EYS: variants seen among roughly 807,000 people sequenced by gnomAD.
EYS encodes the protein EGF-like photoreceptor maintenance factor, also known as protein eyes shut homolog.
EYS carries 250 observed loss-of-function variants against 282.1 expected under a neutral mutation model. The observed-to-expected ratio is 0.89, with a 90% confidence interval of 0.80 to 0.98. EYS has a LOEUF of 0.98. Among genes scored for constraint, EYS ranks in the 50% least tolerant of loss-of-function variants. EYS has a pLI of 0.00. For missense variants in EYS, 4,016 were observed against 3,709.0 expected (o/e 1.08, Z -2.15); for synonymous variants, 1,355 against 1,282.9 (o/e 1.06, Z -1.20).
At chr6:65,218,830 G>T (rs1766384735) in intron 12 of EYS, among the ~76,000 whole-genome samples, 1 of 152,072 alleles carries the variant, frequency 6.6e-6, no homozygotes, top group South Asian at 2.1e-4. Flanking sequence ...GGAATAAGGA[G>T]TAGGGCAATC....
chr6:65,180,235 G>A (rs1013041120), intron 12 of EYS, among the ~76,000 whole-genome samples: 7 of 151,486 alleles, frequency 4.6e-5, no homozygotes, highest in African/African-American at 1.5e-4. Flanking sequence ...GAAATAAAGG[G>A]TATTCAATTA....
At chr6:64,681,490 A>G (rs1176243367) in intron 22 of EYS, among the ~76,000 whole-genome samples, 1 of 152,168 alleles carries the variant, frequency 6.6e-6, no homozygotes, top group Non-Finnish European at 1.5e-5. Context: ...AAATGCTACA[A>G]TTTAGGTAGT....
At chr6:64,749,463 A>G (rs2149968097) in intron 22 of EYS, among the ~76,000 whole-genome samples, 1 of 152,324 alleles carries the variant, frequency 6.6e-6, no homozygotes, top group Non-Finnish European at 1.5e-5. Flanking sequence ...CTAAGCAAGA[A>G]ATGGTTAATT....
intron 1 of EYS, among the ~76,000 whole-genome samples, chr6:65,685,083 G>A (rs538032854): frequency 1.3e-5 from 2 of 152,106 alleles, no homozygotes; most frequent in African/African-American, 4.8e-5. Flanking sequence ...CTATAATAGG[G>A]TTAGAGTGAG....
At chr6:65,231,714 G>A (rs1427770267) in intron 12 of EYS, among the ~76,000 whole-genome samples, 1 of 151,764 alleles carries the variant, frequency 6.6e-6, no homozygotes, top group Non-Finnish European at 1.5e-5. Flanking sequence ...TCCTCTTAGT[G>A]AAAATACATC....
chr6:65,402,006 AT>A (rs1392379442), intron 7 of EYS, among the ~76,000 whole-genome samples: 1 of 151,946 alleles, frequency 6.6e-6, no homozygotes, highest in African/African-American at 2.4e-5. Context: ...GTGGCAAATT[AT>A]TACTTAAAGA....
chr6:65,120,662 A>C (rs1775517088), intron 12 of EYS, among the ~76,000 whole-genome samples: 1 of 152,016 alleles, frequency 6.6e-6, no homozygotes, highest in African/African-American at 2.4e-5. Context: ...TGGTCCATGG[A>C]ATACACCTAA....
intron 28 of EYS, among the ~76,000 whole-genome samples, chr6:64,397,043 T>C (rs965624581): frequency 7.2e-5 from 11 of 152,150 alleles, no homozygotes; most frequent in Admixed American, 2.0e-4. Context: ...CTTATAATTA[T>C]TGATATTTTG....
chr6:65,155,945 A>G (rs1764719032), intron 12 of EYS, among the ~76,000 whole-genome samples: 2 of 151,592 alleles, frequency 1.3e-5, no homozygotes, highest in South Asian at 4.1e-4. Context: ...ACCTTTATAT[A>G]TTTTTAACAG....
At chr6:64,419,881 G>T (rs982439928) in intron 28 of EYS, among the ~76,000 whole-genome samples, 14 of 152,322 alleles carry the variant, frequency 9.2e-5, no homozygotes, top group African/African-American at 2.6e-4. Context: ...CCATTCTGGG[G>T]TCTGGAGAAC....
At chr6:64,616,578 A>G (rs1767282225) in intron 24 of EYS, among the ~76,000 whole-genome samples, 1 of 151,888 alleles carries the variant, frequency 6.6e-6, no homozygotes, top group African/African-American at 2.4e-5. Flanking sequence ...TAATTCCTTA[A>G]CCTCGTCTAG....
intron 2 of EYS, among the ~76,000 whole-genome samples, chr6:65,566,337 T>C (rs1769279397): frequency 1.3e-5 from 2 of 151,572 alleles, no homozygotes; most frequent in African/African-American, 4.9e-5. Context: ...TCACTGAGCA[T>C]GCGGTGATTA....
intron 30 of EYS, among the ~76,000 whole-genome samples, chr6:64,260,643 A>G (rs1767555348): frequency 6.6e-6 from 1 of 152,018 alleles, no homozygotes; most frequent in Admixed American, 6.6e-5. Context: ...AAGTCTTTAT[A>G]GCAATATTGT....
chr6:64,139,313 T>C (rs1223964011), intron 31 of EYS, among the ~76,000 whole-genome samples: 2 of 152,100 alleles, frequency 1.3e-5, no homozygotes, highest in African/African-American at 4.8e-5. Context: ...GAGTGTATCC[T>C]GAACTAAGGA....
chr6:64,911,274 G>C (rs1226261388), intron 16 of EYS, among the ~76,000 whole-genome samples: 3 of 151,694 alleles, frequency 2.0e-5, no homozygotes, highest in African/African-American at 7.3e-5. Context: ...TCTCTATCTT[G>C]TTTTTCCTGT....
chr6:65,412,512 T>A (rs184591940), intron 5 of EYS, among the ~76,000 whole-genome samples: 9 of 152,292 alleles, frequency 5.9e-5, no homozygotes, highest in Admixed American at 2.0e-4. Flanking sequence ...ATCATTTTTT[T>A]ATTTTAGCTA....
At chr6:64,678,365 G>A (rs1402873752) in intron 22 of EYS, among the ~76,000 whole-genome samples, 2 of 152,116 alleles carry the variant, frequency 1.3e-5, no homozygotes, top group East Asian at 1.9e-4. Flanking sequence ...ATCACCTGAG[G>A]TCCGGAGTTT....
chr6:64,244,947 A>G (rs1208852633), intron 30 of EYS, among the ~76,000 whole-genome samples: 2 of 151,282 alleles, frequency 1.3e-5, no homozygotes, highest in African/African-American at 4.9e-5. Flanking sequence ...CATTTACATT[A>G]GGTATATCTC....
Position 64,533,878 on chromosome 6 carries a change from T to G in EYS, c.5644+56345A>C, listed in dbSNP as rs77826807. 1.2e-4 allele frequency among the ~76,000 whole-genome samples: 18 copies of G among 151,912 alleles called. No homozygotes were observed. In the East Asian group the frequency reaches 1.5e-3, roughly 13 times the overall value. ...TTAACATAATTTTAAAGATGGTTGATTGGTTAAAGCAAACATAACAATGTA... is the reference window on the plus strand; with the variant it reads ...TTAACATAATTTTAAAGATGGTTGAGTGGTTAAAGCAAACATAACAATGTA... On this transcript the variant is annotated intron_variant, in intron 26 of 42. Transcript: ENST00000503581.
Sources: allele counts gnomAD v4.1 joint callset (sites outside exome capture counted in the v4.1 genomes callset), GRCh38; gene constraint gnomAD v4.1.1; transcripts MANE v1.5; gene names NCBI Gene and HGNC (gene_info 2026-07-23, HGNC 2026-07-21).